Variants in PPA2 observed in about 807,000 individuals in gnomAD.
PPA2 encodes inorganic pyrophosphatase 2, mitochondrial.
PPA2 carries 48 observed loss-of-function variants against 49.5 expected under a neutral mutation model. The observed-to-expected ratio is 0.97, with a 90% CI of 0.77 to 1.23. The LOEUF is 1.23. Among genes scored for constraint, PPA2 ranks in the 50% most tolerant of loss-of-function variants. The pLI is 0.00. For synonymous variants in PPA2, 131 were observed against 139.9 expected, an observed-to-expected ratio of 0.94 and a Z score of 0.45; for missense variants, 429 against 410.1, an observed-to-expected ratio of 1.05 and a Z score of -0.40.
chr4:105,465,580 C>T (rs973712918), intron 1 of PPA2, among the ~76,000 whole-genome samples: 4 of 152,228 alleles, frequency 2.6e-5, no homozygotes, highest in African/African-American at 7.2e-5. Context: ...GCATGTGAGG[C>T]CAATTTCTCA....
At chr4:105,393,185 A>G (rs1202449147) in intron 9 of PPA2, among the ~76,000 whole-genome samples, 1 of 152,084 alleles carries the variant, frequency 6.6e-6, no homozygotes. Flanking sequence ...TTTCCATGAG[A>G]ACAAGTTTGG....
chr4:105,397,620 A>T (rs147183015), intron 8 of PPA2, among the ~76,000 whole-genome samples: 78 of 152,250 alleles, frequency 5.1e-4, no homozygotes, highest in African/African-American at 1.7e-3. Flanking sequence ...GTTGGAAGTG[A>T]GGCCTAATGG....
At chr4:105,392,276 A>C (rs2713850) in intron 9 of PPA2, among the ~76,000 whole-genome samples, 91,298 of 151,730 alleles carry the variant, frequency 0.6, 27,511 homozygotes, top group East Asian at 0.68. Flanking sequence ...ACAACAACAA[A>C]AAAAAAAACT....
intron 3 of PPA2, among the ~76,000 whole-genome samples, chr4:105,452,746 A>T (rs76000161): frequency 0.058 from 8,850 of 152,238 alleles, 422 homozygotes; most frequent in African/African-American, 0.13. Flanking sequence ...GCCTGGCATC[A>T]GAATCAGAGG....
At chr4:105,423,131 T>C (rs1723326754) in intron 7 of PPA2, 1 of 152,216 alleles carries the variant, frequency 6.6e-6, no homozygotes, top group Non-Finnish European at 1.5e-5. Flanking sequence ...ATATGGTTTA[T>C]AGACTTGAGC....
intron 7 of PPA2, among the ~76,000 whole-genome samples, chr4:105,406,211 C>CAA (rs145974350): frequency 7.3e-6 from 1 of 136,566 alleles, no homozygotes; most frequent in Admixed American, 7.1e-5. Flanking sequence ...AACAAAAAAA[C>CAA]AAAAAAACAG....
chr4:105,396,200 T>C (rs747381148), intron 9 of PPA2, 49 bp downstream of exon 9: 14 of 1,185,756 alleles, frequency 1.2e-5, no homozygotes, highest in Non-Finnish European at 1.7e-5. Flanking sequence ...TGTGGCTGTT[T>C]AATACCAATT....
chr4:105,437,468 T>C (rs1410297983), intron 6 of PPA2, among the ~76,000 whole-genome samples: 1 of 152,154 alleles, frequency 6.6e-6, no homozygotes, highest in African/African-American at 2.4e-5. Context: ...TGTGGCAACC[T>C]GGAAGCAGGC....
chr4:105,369,737 G>C lies in PPA2; in HGVS notation c.993C>G (p.Phe331Leu), dbSNP rs939247653. ...TCAGATGTTTCAATCACTTGCCAAG[G>C]AAGTGCCACACTTGCTCTGCATTTA... ...ESNEEEQVWH[F>L]LGK is the part of the protein sequence containing the mutation. The change falls in exon 12 of 12, where the codon TTC becomes TTG. Residue 331 changes from phenylalanine (F) to leucine (L), a missense_variant. Coordinates refer to ENST00000341695, the MANE Select transcript of PPA2 (RefSeq NM_176869.3). 6.3e-7 allele frequency: 1 copy of C among 1,592,362 alleles called. No individual in the cohort carries two copies. Among genetic ancestry groups the C allele is most frequent in the Admixed American group, 1.7e-5 (1 of 59,960 alleles).
intron 6 of PPA2, among the ~76,000 whole-genome samples, chr4:105,426,763 T>C (rs2110274072): frequency 6.6e-6 from 1 of 152,358 alleles, no homozygotes. Flanking sequence ...AGATTCTACC[T>C]CTGGGGCAGA....
At chr4:105,398,965 A>C in intron 8 of PPA2, 72 bp downstream of exon 8, 3 of 1,518,444 alleles carry the variant, frequency 2.0e-6, no homozygotes, top group Non-Finnish European at 2.7e-6. Flanking sequence ...TCACATAAGA[A>C]ACTTCCCAAG....
intron 6 of PPA2, among the ~76,000 whole-genome samples, chr4:105,427,998 C>A (rs1037740856): frequency 2.6e-5 from 4 of 152,204 alleles, no homozygotes. Flanking sequence ...AACAGCAGAT[C>A]TCTTGGCAGA....
chr4:105,420,741 A>G (rs1053775698), intron 7 of PPA2, among the ~76,000 whole-genome samples: 1 of 152,230 alleles, frequency 6.6e-6, no homozygotes. Flanking sequence ...ATGAAAAGGG[A>G]AAACTAAAGA....
At chr4:105,452,277 A>G (rs958850614) in intron 3 of PPA2, among the ~76,000 whole-genome samples, 4 of 152,156 alleles carry the variant, frequency 2.6e-5, no homozygotes, top group African/African-American at 9.7e-5. Flanking sequence ...CTGGGCTCAG[A>G]ATATGTTTTT....
intron 1 of PPA2, among the ~76,000 whole-genome samples, chr4:105,470,426 C>A (rs1319443212): frequency 1.3e-5 from 2 of 152,164 alleles, no homozygotes; most frequent in Admixed American, 6.5e-5. Context: ...GTCAAGGCTG[C>A]TGTGAGTCGT....
rs11413641 is a variant in PPA2, at chr4:105,417,558, C to CAA, written c.655+6636_655+6637dup. ...ACCATATCATGGGAATGACTGAAAC[C>CAA]AAAAAAAAAAAACTGTAAGAGGTCA... On this transcript the variant is annotated intron_variant, in intron 7 of 11. Transcript: ENST00000341695. 4.5e-3 allele frequency among the ~76,000 whole-genome samples: 644 copies of CAA among 144,698 alleles called. 2 individuals are homozygous for CAA. The highest frequency in any genetic ancestry group is 9.3e-3 in the African/African-American group (365 of 39,454). The allele number at this position is 144,698 out of a possible 152,430, so 94.9% of individuals were successfully genotyped here.
intron 10 of PPA2, among the ~76,000 whole-genome samples, chr4:105,384,944 A>G (rs1733622987): frequency 6.6e-6 from 1 of 151,878 alleles, no homozygotes; most frequent in African/African-American, 2.4e-5. Context: ...AACATTTCCA[A>G]TCTCATCTCC....
intron 5 of PPA2, among the ~76,000 whole-genome samples, chr4:105,442,240 C>T (rs1347082054): frequency 6.6e-6 from 1 of 152,156 alleles, no homozygotes. Flanking sequence ...CAGTAGCAAT[C>T]ATCATCATTG....
intron 1 of PPA2, among the ~76,000 whole-genome samples, chr4:105,465,279 C>T (rs945923884): frequency 9.2e-5 from 14 of 152,220 alleles, no homozygotes; most frequent in African/African-American, 3.4e-4. Context: ...TTCTATTTTT[C>T]TTCGTGTTTC....
Sources: gnomAD v4.1 joint callset for allele counts (sites outside exome capture counted in the v4.1 genomes callset) on GRCh38, gnomAD v4.1.1 for gene constraint, MANE v1.5 for transcripts, NCBI Gene and HGNC (gene_info 2026-07-23, HGNC 2026-07-21) for gene names.